LSAMP: variants seen among roughly 807,000 people sequenced by gnomAD.
The protein encoded by LSAMP is limbic system associated membrane protein, also known as limbic system-associated membrane protein.
Under a neutral mutation model 38.6 loss-of-function variants are expected in LSAMP, and 7 were observed. The observed-to-expected ratio is 0.18, with a 90% CI of 0.10 to 0.34. The LOEUF (loss-of-function observed/expected upper bound fraction) is 0.34, where lower values mean the gene tolerates loss of function less well. Among genes scored for constraint, LSAMP ranks in the 10% least tolerant of loss-of-function variants. LSAMP has a pLI of 1.00. For synonymous variants in LSAMP, 154 were observed against 166.8 expected, an observed-to-expected ratio of 0.92 and a Z score of 0.59; for missense variants, 313 against 420.0, an observed-to-expected ratio of 0.75 and a Z score of 2.23.
At chr3:116,262,004 A>G (rs1280250342) in intron 1 of LSAMP, among the ~76,000 whole-genome samples, 1 of 151,896 alleles carries the variant, frequency 6.6e-6, no homozygotes, top group Non-Finnish European at 1.5e-5. Flanking sequence ...GCTGATCTCT[A>G]TAGCACAAGA....
At chr3:116,242,117 A>G (rs748277542) in intron 1 of LSAMP, among the ~76,000 whole-genome samples, 2 of 152,228 alleles carry the variant, frequency 1.3e-5, no homozygotes, top group Non-Finnish European at 2.9e-5. Context: ...TCTCTGTGGA[A>G]CACAGGAGCA....
intron 3 of LSAMP, among the ~76,000 whole-genome samples, chr3:115,874,147 A>G (rs1236850408): frequency 6.6e-6 from 1 of 152,166 alleles, no homozygotes; most frequent in Non-Finnish European, 1.5e-5. Flanking sequence ...TGTTTGATAT[A>G]ACAGAGTTGG....
chr3:115,995,536 T>C (rs1939791307), intron 3 of LSAMP, among the ~76,000 whole-genome samples: 1 of 152,120 alleles, frequency 6.6e-6, no homozygotes, highest in Non-Finnish European at 1.5e-5. Context: ...TATGTTTTTG[T>C]TGTCAATGAA....
At chr3:115,974,896 C>T (rs1939135560) in intron 3 of LSAMP, among the ~76,000 whole-genome samples, 1 of 152,074 alleles carries the variant, frequency 6.6e-6, no homozygotes, top group African/African-American at 2.4e-5. Flanking sequence ...GCTGGGAACT[C>T]AGCTTCCAAG....
chr3:115,992,382 T>A (rs1939696011), intron 3 of LSAMP, among the ~76,000 whole-genome samples: 1 of 152,074 alleles, frequency 6.6e-6, no homozygotes, highest in Non-Finnish European at 1.5e-5. Flanking sequence ...TATTTTTAAA[T>A]TATTTTTTCC....
At chr3:116,007,453 C>A (rs1198512558) in intron 3 of LSAMP, among the ~76,000 whole-genome samples, 1 of 152,064 alleles carries the variant, frequency 6.6e-6, no homozygotes, top group Non-Finnish European at 1.5e-5. Context: ...GGGAGACTTG[C>A]AAATGAATAT....
intron 1 of LSAMP, among the ~76,000 whole-genome samples, chr3:116,228,635 T>C (rs2046367948): frequency 6.6e-6 from 1 of 152,112 alleles, no homozygotes; most frequent in South Asian, 2.1e-4. Flanking sequence ...AGTATTGCTG[T>C]GTTGTTATTG....
chr3:115,896,954 G>T (rs951186050), intron 3 of LSAMP, among the ~76,000 whole-genome samples: 3 of 152,086 alleles, frequency 2.0e-5, no homozygotes, highest in Admixed American at 1.3e-4. Context: ...TCTGAGCAAG[G>T]CCTGCCCTTT....
intron 1 of LSAMP, among the ~76,000 whole-genome samples, chr3:116,200,850 T>C (rs1481859957): frequency 6.6e-6 from 1 of 152,206 alleles, no homozygotes; most frequent in East Asian, 1.9e-4. Flanking sequence ...TTTCTTGTTC[T>C]CTTCTATTTG....
chr3:115,946,533 C>T (rs796787783), intron 3 of LSAMP, among the ~76,000 whole-genome samples: 5 of 152,246 alleles, frequency 3.3e-5, no homozygotes, highest in African/African-American at 7.2e-5. Flanking sequence ...AATTAAAAAA[C>T]CTGAGTGAAA....
At chr3:116,283,219 G>GAAGAAAGA (rs10678841) in intron 1 of LSAMP, among the ~76,000 whole-genome samples, 3 of 151,352 alleles carry the variant, frequency 2.0e-5, no homozygotes, top group Non-Finnish European at 2.9e-5. Flanking sequence ...AGAAAAAAAA[G>GAAGAAAGA]AAGAAAGAAA....
At chr3:116,184,319 T>C (rs950839108) in intron 1 of LSAMP, among the ~76,000 whole-genome samples, 3 of 151,924 alleles carry the variant, frequency 2.0e-5, no homozygotes, top group Non-Finnish European at 4.4e-5. Flanking sequence ...GTTAAGTAAC[T>C]TGATAGCTCT....
intron 1 of LSAMP, among the ~76,000 whole-genome samples, chr3:116,350,673 T>C (rs2048126815): frequency 6.6e-6 from 1 of 151,916 alleles, no homozygotes; most frequent in Non-Finnish European, 1.5e-5. Flanking sequence ...TAAGTAGTGA[T>C]GCTAGCAATT....
rs889963737 is a variant in LSAMP at position 116,294,801 on chromosome 3, TAACTTTC to T, written c.155+150069_155+150075del. ...TGAAATAACATAGGTAACCTGCACTTAACTTTCAAACCTGCTGTGATTAGGCATGGGG... is the reference window on the plus strand; with the variant it reads ...TGAAATAACATAGGTAACCTGCACTTAAACCTGCTGTGATTAGGCATGGGG... On this transcript the variant is annotated intron_variant, in intron 1 of 6. Coordinates refer to ENST00000490035, the MANE Select transcript of LSAMP (RefSeq NM_002338.5). Among the ~76,000 whole-genome samples the T allele has an allele frequency of 3.9e-4, 60 of 151,958 alleles. 1 individual carries two copies. Among genetic ancestry groups the T allele is most frequent in the African/African-American group, 1.4e-3 (57 of 41,352 alleles).
chr3:116,332,329 T>C (rs561453835), intron 1 of LSAMP, among the ~76,000 whole-genome samples: 1 of 152,182 alleles, frequency 6.6e-6, no homozygotes, highest in Non-Finnish European at 1.5e-5. Flanking sequence ...AAAGATAAAA[T>C]TGTTTGACAT....
At chr3:115,956,001 CTT>C (rs1236206310) in intron 3 of LSAMP, among the ~76,000 whole-genome samples, 1 of 152,080 alleles carries the variant, frequency 6.6e-6, no homozygotes, top group African/African-American at 2.4e-5. Flanking sequence ...AGGATAAAAA[CTT>C]TAACTGAGCC....
chr3:116,396,100 T>A (rs2048763531), intron 1 of LSAMP, among the ~76,000 whole-genome samples: 1 of 152,198 alleles, frequency 6.6e-6, no homozygotes, highest in African/African-American at 2.4e-5. Flanking sequence ...TTGGAGGAAG[T>A]ACTAAAGGTG....
chr3:116,240,224 A>G (rs144130635), intron 1 of LSAMP, among the ~76,000 whole-genome samples: 126 of 152,350 alleles, frequency 8.3e-4, no homozygotes, highest in African/African-American at 2.9e-3. Flanking sequence ...GACAAAAATG[A>G]TATCTATCAT....
At chr3:116,078,717 T>G (rs1174691160) in intron 2 of LSAMP, among the ~76,000 whole-genome samples, 1 of 152,216 alleles carries the variant, frequency 6.6e-6, no homozygotes, top group African/African-American at 2.4e-5. Flanking sequence ...TGTCCTATAC[T>G]TGGCTCGTGA....
Sources: allele counts gnomAD v4.1 joint callset (sites outside exome capture counted in the v4.1 genomes callset), GRCh38; gene constraint gnomAD v4.1.1; transcripts MANE v1.5; gene names NCBI Gene and HGNC (gene_info 2026-07-23, HGNC 2026-07-21).